The following SLC8A3 variants were observed in gnomAD, a reference collection of about 807,000 sequenced individuals.
SLC8A3 encodes the protein solute carrier family 8 member A3, also known as sodium/calcium exchanger 3.
In SLC8A3, 37 loss-of-function variants were observed where a neutral mutation model predicts 65.4. That is an observed-to-expected ratio of 0.57 (90% CI 0.44 to 0.74). The LOEUF is 0.74. Ranked by LOEUF, SLC8A3 falls within the 30% of genes least tolerant of loss-of-function variation. The pLI is 0.00. For synonymous variants in SLC8A3, 461 were observed against 444.5 expected, an observed-to-expected ratio of 1.04 and a Z score of -0.47; for missense variants, 1,112 against 1,172.1, an observed-to-expected ratio of 0.95 and a Z score of 0.75.
intron 2 of SLC8A3, among the ~76,000 whole-genome samples, chr14:70,083,970 G>T (rs1196964450): frequency 6.6e-6 from 1 of 152,192 alleles, no homozygotes; most frequent in Non-Finnish European, 1.5e-5. Context: ...TGAAGATCTT[G>T]TTGTCAGGTT....
intron 2 of SLC8A3, among the ~76,000 whole-genome samples, chr14:70,074,359 G>A (rs1159042911): frequency 1.3e-5 from 2 of 152,198 alleles, no homozygotes; most frequent in South Asian, 2.1e-4. Flanking sequence ...TGGAGACAAC[G>A]TAGGTCCCAG....
At chr14:70,100,495 T>G (rs139354192) in intron 2 of SLC8A3, among the ~76,000 whole-genome samples, 2 of 152,186 alleles carry the variant, frequency 1.3e-5, no homozygotes, top group Non-Finnish European at 2.9e-5. Flanking sequence ...ATTTTTGCAA[T>G]AAGAAGGTTC....
At chr14:70,093,829 G>C (rs1891967093) in intron 2 of SLC8A3, among the ~76,000 whole-genome samples, 1 of 152,178 alleles carries the variant, frequency 6.6e-6, no homozygotes, top group South Asian at 2.1e-4. Context: ...TGGAGCCTGT[G>C]TCCCCTGCCT....
Position 70,081,110 on chromosome 14 carries a change from G to A in SLC8A3, c.1785-20171C>T, listed in dbSNP as rs577104341. ...TTGGTGAAATAGAACCAAACAAAGC[G>A]GATACAAGCCGAGACACTCAAGTTG... On this transcript the variant is annotated intron_variant, in intron 2 of 6. Transcript: ENST00000356921. Among the ~76,000 whole-genome samples the A allele has an allele frequency of 1.3e-3, 196 of 152,252 alleles. 1 individual carries two copies. Among genetic ancestry groups the A allele is most frequent in the Non-Finnish European group, 6.0e-4 (41 of 68,024 alleles).
At chr14:70,164,707 T>C (rs946746782) in intron 2 of SLC8A3, among the ~76,000 whole-genome samples, 3 of 151,962 alleles carry the variant, frequency 2.0e-5, no homozygotes, top group African/African-American at 7.3e-5. Flanking sequence ...GTAGAAAGGG[T>C]TCTGAATCAG....
intron 1 of SLC8A3, among the ~76,000 whole-genome samples, chr14:70,180,427 G>C (rs1287255003): frequency 2.0e-5 from 3 of 152,140 alleles, no homozygotes; most frequent in African/African-American, 7.2e-5. Flanking sequence ...CTATTACAAG[G>C]GGGTGCTAGG....
rs573060173 is a variant in SLC8A3, at chr14:70,126,267, T to A, written c.1784+40372A>T. 3.3e-5 allele frequency among the ~76,000 whole-genome samples: 5 copies of A among 151,084 alleles called. No homozygotes were observed. In the East Asian group the frequency reaches 7.7e-4, roughly 23 times the overall value. ...AATCAATCAATCAATCAATCAATAA[T>A]AGTAAAGAGTAACTTAGGGGGGCAT... On this transcript the variant is annotated intron_variant, in intron 2 of 6. Transcript: ENST00000356921.
chr14:70,126,570 T>TCTCTCTCACACA (rs1385909771), intron 2 of SLC8A3, among the ~76,000 whole-genome samples: 53 of 117,110 alleles, frequency 4.5e-4, no homozygotes, highest in Middle Eastern at 4.3e-3. Flanking sequence ...TCTCTCTCTC[T>TCTCTCTCACACA]CACACACACA....
At chr14:70,064,053 ACC>A (rs1889129294) in intron 2 of SLC8A3, 1 of 611,096 alleles carries the variant, frequency 1.6e-6, no homozygotes, top group African/African-American at 1.8e-5. Flanking sequence ...TTGCCCCAAC[ACC>A]ACAGGGGCAC....
At chr14:70,145,609 T>C (rs996035047) in intron 2 of SLC8A3, among the ~76,000 whole-genome samples, 1 of 152,232 alleles carries the variant, frequency 6.6e-6, no homozygotes, top group Non-Finnish European at 1.5e-5. Flanking sequence ...CCTTAGATGA[T>C]AGGTTTGATG....
At chr14:70,079,515 A>G (rs1161598427) in intron 2 of SLC8A3, among the ~76,000 whole-genome samples, 1 of 151,880 alleles carries the variant, frequency 6.6e-6, no homozygotes, top group Non-Finnish European at 1.5e-5. Flanking sequence ...AAAAAAATCT[A>G]TTGAATGAAT....
At chr14:70,073,606 GT>G (rs1890206080) in intron 2 of SLC8A3, among the ~76,000 whole-genome samples, 1 of 152,148 alleles carries the variant, frequency 6.6e-6, no homozygotes, top group Admixed American at 6.5e-5. Context: ...CAGTGTATCT[GT>G]TCCCAGCACT....
chr14:70,159,442 CA>C (rs1189488867), intron 2 of SLC8A3, among the ~76,000 whole-genome samples: 1 of 146,800 alleles, frequency 6.8e-6, no homozygotes, highest in Non-Finnish European at 1.5e-5. Flanking sequence ...AACCCAAACA[CA>C]AAACACTAAG....
chr14:70,154,511 C>T (rs975636643), intron 2 of SLC8A3, among the ~76,000 whole-genome samples: 5 of 152,210 alleles, frequency 3.3e-5, no homozygotes, highest in South Asian at 2.1e-4. Context: ...CCAAAGCCAA[C>T]GCACAAGTGA....
chr14:70,147,267 T>A (rs911243848), intron 2 of SLC8A3, among the ~76,000 whole-genome samples: 1 of 152,240 alleles, frequency 6.6e-6, no homozygotes, highest in Admixed American at 6.5e-5. Flanking sequence ...CTATTCTATC[T>A]CATTTAGTCT....
chr14:70,088,327 A>G (rs545773562), intron 2 of SLC8A3, among the ~76,000 whole-genome samples: 2 of 152,154 alleles, frequency 1.3e-5, no homozygotes, highest in Non-Finnish European at 2.9e-5. Flanking sequence ...TTTTCTGGGG[A>G]AGCCAGTGCC....
intron 2 of SLC8A3, among the ~76,000 whole-genome samples, chr14:70,143,566 G>C (rs770291588): frequency 6.6e-6 from 1 of 152,000 alleles, no homozygotes; most frequent in Non-Finnish European, 1.5e-5. Context: ...CCAGCCCCAC[G>C]TCAACACAAT....
intron 2 of SLC8A3, among the ~76,000 whole-genome samples, chr14:70,091,905 T>C (rs1349300787): frequency 6.6e-6 from 1 of 152,236 alleles, no homozygotes; most frequent in African/African-American, 2.4e-5. Context: ...TGAGACAATT[T>C]GAGATTTTCT....
At chr14:70,057,086 T>C (rs924551101) in intron 3 of SLC8A3, among the ~76,000 whole-genome samples, 2 of 152,152 alleles carry the variant, frequency 1.3e-5, no homozygotes, top group African/African-American at 4.8e-5. Flanking sequence ...TCAATTTTTT[T>C]CCTAAGAATC....
Sources: allele counts gnomAD v4.1 joint callset (sites outside exome capture counted in the v4.1 genomes callset), GRCh38; gene constraint gnomAD v4.1.1; transcripts MANE v1.5; gene names NCBI Gene and HGNC (gene_info 2026-07-23, HGNC 2026-07-21).